Variants in TAFA2 observed in about 807,000 individuals in gnomAD.
The protein encoded by TAFA2 is TAFA chemokine like family member 2.
TAFA2 carries 7 observed loss-of-function variants against 18.8 expected under a neutral mutation model. The observed-to-expected ratio is 0.37, with a 90% CI of 0.21 to 0.70. The LOEUF (loss-of-function observed/expected upper bound fraction) is 0.70. TAFA2 is among the 30% of genes least tolerant of loss of function. The probability of loss-of-function intolerance (pLI) is 0.53; values close to 1 mark genes in which losing one functional copy is unlikely to be tolerated. For synonymous variants in TAFA2, 60 were observed against 54.2 expected (o/e 1.11, Z -0.47); for missense variants, 122 against 158.1 (o/e 0.77, Z 1.23).
At position 61,847,992 on chromosome 12, in the gene TAFA2, G is replaced by A. The variant is rs574562015; in HGVS notation, c.106+19328C>T. On this transcript the variant is annotated intron_variant, in intron 2 of 4. Coordinates refer to ENST00000416284, the MANE Select transcript of TAFA2 (RefSeq NM_178539.5). Reference sequence around the variant, plus strand: ...GTTGATTTTCATTTCTCTGTATAACGCCAATCCAGTTTGTTTCAAATCAGA... The same window carrying A: ...GTTGATTTTCATTTCTCTGTATAACACCAATCCAGTTTGTTTCAAATCAGA... Among the ~76,000 whole-genome samples, 3 of 152,126 alleles carry A rather than the reference G, an allele frequency of 2.0e-5. No homozygotes were observed. In the South Asian group the frequency reaches 6.2e-4, roughly 32 times the overall value.
At chr12:61,782,135 T>G (rs998305928) in intron 2 of TAFA2, among the ~76,000 whole-genome samples, 4 of 151,668 alleles carry the variant, frequency 2.6e-5, no homozygotes, top group Non-Finnish European at 4.4e-5. Context: ...CTAATGTCCC[T>G]CAACCATCTA....
At chr12:62,152,664 T>C (rs1234904571) in intron 1 of TAFA2, among the ~76,000 whole-genome samples, 2 of 152,216 alleles carry the variant, frequency 1.3e-5, no homozygotes, top group Non-Finnish European at 1.5e-5. Context: ...ATGGGGGCAG[T>C]GAATAATTTT....
At chr12:62,233,410 C>T (rs1592412290) in intron 1 of TAFA2, among the ~76,000 whole-genome samples, 1 of 152,130 alleles carries the variant, frequency 6.6e-6, no homozygotes, top group Admixed American at 6.5e-5. Context: ...AACATCCCTC[C>T]TCCACTAGAT....
At chr12:61,956,783 A>G (rs1172240257) in intron 1 of TAFA2, among the ~76,000 whole-genome samples, 1 of 152,146 alleles carries the variant, frequency 6.6e-6, no homozygotes, top group Non-Finnish European at 1.5e-5. Flanking sequence ...TTCAAGAACC[A>G]TTTCAGAACA....
chr12:62,240,547 A>G (rs1356590796), intron 1 of TAFA2, among the ~76,000 whole-genome samples: 1 of 152,146 alleles, frequency 6.6e-6, no homozygotes, highest in Non-Finnish European at 1.5e-5. Flanking sequence ...TTTTGCTAGT[A>G]TTATTTTTAT....
rs749942956 is a variant in TAFA2 at position 61,738,318 on chromosome 12, CA to C, written c.384+15303del. On this transcript the variant is annotated intron_variant, in intron 4 of 4. Coordinates refer to ENST00000416284, the MANE Select transcript of TAFA2 (RefSeq NM_178539.5). ...ACACACACACACACACACACACACA[CA>C]CACACACACAAACCTAGCTCATAAA... Among the ~76,000 whole-genome samples the C allele has an allele frequency of 8.1e-3, 1,216 of 149,652 alleles. 7 individuals are homozygous for C. Among genetic ancestry groups the C allele is most frequent in the Non-Finnish European group, 0.013 (867 of 67,134 alleles).
At chr12:62,016,366 A>AT (rs1880936625) in intron 1 of TAFA2, among the ~76,000 whole-genome samples, 1 of 152,136 alleles carries the variant, frequency 6.6e-6, no homozygotes, top group Admixed American at 6.5e-5. Context: ...CTCAGTAATT[A>AT]TTTTTTAATT....
At chr12:62,140,804 A>G (rs2062234547) in intron 1 of TAFA2, among the ~76,000 whole-genome samples, 1 of 152,144 alleles carries the variant, frequency 6.6e-6, no homozygotes, top group African/African-American at 2.4e-5. Context: ...TCCTATAGGA[A>G]CAGGGAAATA....
chr12:61,831,382 G>A (rs1398372906), intron 2 of TAFA2, among the ~76,000 whole-genome samples: 1 of 151,968 alleles, frequency 6.6e-6, no homozygotes, highest in East Asian at 1.9e-4. Flanking sequence ...TCAACTTCTT[G>A]AGTAGTAAAA....
At chr12:61,752,155 G>A (rs1869049364) in intron 4 of TAFA2, among the ~76,000 whole-genome samples, 1 of 151,968 alleles carries the variant, frequency 6.6e-6, no homozygotes, top group Non-Finnish European at 1.5e-5. Context: ...TGTAAAAGGA[G>A]ATAATAACAC....
chr12:61,966,812 CT>C (rs1879083948), intron 1 of TAFA2, among the ~76,000 whole-genome samples: 2 of 151,842 alleles, frequency 1.3e-5, no homozygotes, highest in African/African-American at 4.8e-5. Context: ...TTCTCTCTTC[CT>C]TCTTTCTAAT....
At chr12:61,864,444 T>C (rs909435833) in intron 2 of TAFA2, among the ~76,000 whole-genome samples, 3 of 150,138 alleles carry the variant, frequency 2.0e-5, no homozygotes, top group African/African-American at 7.3e-5. Flanking sequence ...TTTCTATAAC[T>C]ATATATGTAG....
rs555525462 is a variant in TAFA2 at position 61,709,393 on chromosome 12, A to G, written c.*1013T>C. The stretch of plus-strand genomic sequence containing the variant: ...CAAATATATAAGCATTCAAACAGTC[A>G]TTGGGATCAAGCAAAAGAAAGTCTT... On this transcript the variant is annotated 3_prime_UTR_variant, in exon 5 of 5. Coordinates refer to ENST00000416284, the MANE Select transcript of TAFA2 (RefSeq NM_178539.5). 2.6e-5 allele frequency: 4 copies of G among 152,240 alleles called. No homozygotes were observed. Among genetic ancestry groups the G allele is most frequent in the African/African-American group, 9.6e-5 (4 of 41,580 alleles). The allele number at this position is 152,240 out of a possible 1,614,324, so 9.4% of individuals were successfully genotyped here.
At chr12:62,194,100 C>T (rs2062638405), upstream of TAFA2, among the ~76,000 whole-genome samples, 1 of 152,160 alleles carries the variant, frequency 6.6e-6, no homozygotes, top group Non-Finnish European at 1.5e-5. Context: ...TTTCATTCCA[C>T]TTACATAGTA....
At position 61,929,458 on chromosome 12, in the gene TAFA2, C is replaced by A. The variant is rs546196733; in HGVS notation, c.-1-62032G>T. Among the ~76,000 whole-genome samples, 20 of 152,194 alleles carry A rather than the reference C, an allele frequency of 1.3e-4. No individual in the cohort carries two copies. The East Asian group carries it at 3.7e-3, about 28-fold the overall frequency. On this transcript the variant is annotated intron_variant, in intron 1 of 4. Coordinates refer to ENST00000416284, the MANE Select transcript of TAFA2 (RefSeq NM_178539.5). ...TGCAAATCAAAACCACAATGAGATA[C>A]CATCTCACACCAGTTAGAATGGCAA...
chr12:62,247,072 C>CCTGCATGCTGCTGTTTCCTGCATG (rs2062890182), intron 1 of TAFA2, among the ~76,000 whole-genome samples: 1 of 151,998 alleles, frequency 6.6e-6, no homozygotes, highest in South Asian at 2.1e-4. Flanking sequence ...GCTTCTTTTT[C>CCTGCATGCTGCTGTTTCCTGCATG]CTGCATGCTG....
rs73310289 is a variant in TAFA2, at chr12:61,956,829, A to G, written c.-1-89403T>C. On this transcript the variant is annotated intron_variant, in intron 1 of 4. Coordinates refer to ENST00000416284, the MANE Select transcript of TAFA2 (RefSeq NM_178539.5). ...TGCTCTTTCTTCAATGGGTGTGTCA[A>G]CGTCTGATGAACACTAAGAAAAGTC... 4.8e-3 allele frequency among the ~76,000 whole-genome samples: 727 copies of G among 152,216 alleles called. 6 individuals are homozygous for G. The highest frequency in any genetic ancestry group is 0.016 in the African/African-American group (679 of 41,550).
intron 1 of TAFA2, among the ~76,000 whole-genome samples, chr12:62,187,516 T>A (rs2062594618): frequency 6.6e-6 from 1 of 152,206 alleles, no homozygotes; most frequent in Admixed American, 6.5e-5. Flanking sequence ...TATGTATGCA[T>A]GTGCATATAT....
chr12:62,057,295 C>G (rs1882212635), intron 1 of TAFA2, among the ~76,000 whole-genome samples: 1 of 152,044 alleles, frequency 6.6e-6, no homozygotes, highest in Non-Finnish European at 1.5e-5. Context: ...TTGTTAATAT[C>G]TCAGTTTTGT....
Sources: gnomAD v4.1 joint callset for allele counts (sites outside exome capture counted in the v4.1 genomes callset) on GRCh38, gnomAD v4.1.1 for gene constraint, MANE v1.5 for transcripts, NCBI Gene and HGNC (gene_info 2026-07-23, HGNC 2026-07-21) for gene names.